The following ZNF607 variants were observed in gnomAD, a reference collection of about 807,000 sequenced individuals.
ZNF607 encodes zinc finger protein 607.
Under a neutral mutation model 12.8 loss-of-function variants are expected in ZNF607, and 5 were observed. That is an observed-to-expected ratio of 0.39 (90% CI 0.20 to 0.82). The LOEUF (loss-of-function observed/expected upper bound fraction) is 0.82, where lower values mean the gene tolerates loss of function less well. ZNF607 is among the 40% of genes least tolerant of loss of function. The pLI is 0.39. For synonymous variants in ZNF607, 287 were observed against 276.2 expected (o/e 1.04, Z -0.39); for missense variants, 851 against 859.2 (o/e 0.99, Z 0.12).
At chr19:37,709,621 C>T (rs1001115398) in intron 3 of ZNF607, 75 bp downstream of exon 3, 1 of 1,514,386 alleles carries the variant, frequency 6.6e-7, no homozygotes, top group South Asian at 1.3e-5. Flanking sequence ...CTGAAAACCA[C>T]AACAGAAAAA....
chr19:37,712,549 TCTCA>T (rs1422741074), intron 1 of ZNF607, among the ~76,000 whole-genome samples: 2 of 152,142 alleles, frequency 1.3e-5, no homozygotes, highest in African/African-American at 2.4e-5. Context: ...AGTGCTTATA[TCTCA>T]CTATGTATTC....
chr19:37,696,921 A>G lies in ZNF607; in HGVS notation c.*1119T>C. On this transcript the variant is annotated 3_prime_UTR_variant, in exon 5 of 5. Transcript: ENST00000355202. ...AGACACGTCGTCCAGAATGAGCCCA[A>G]AGGTGGCTGCTCACTCCATAAGGTT... 1 of 672,864 alleles carries G rather than the reference A, an allele frequency of 1.5e-6. No individual in the cohort carries two copies. The highest frequency in any genetic ancestry group is 2.7e-6 in the Non-Finnish European group (1 of 368,512). 41.7% of individuals were successfully genotyped at this position (672,864 alleles called of 1,614,324 possible).
chr19:37,700,630 G>A (rs902412990), intron 4 of ZNF607, among the ~76,000 whole-genome samples: 23 of 152,068 alleles, frequency 1.5e-4, no homozygotes, highest in Admixed American at 1.4e-3. Flanking sequence ...ATTCAGTATC[G>A]GCAGGCAGGG....
intron 2 of ZNF607, among the ~76,000 whole-genome samples, chr19:37,710,537 A>G (rs2045124991): frequency 2.0e-5 from 3 of 152,126 alleles, no homozygotes; most frequent in Non-Finnish European, 2.9e-5. Context: ...GCAGCAGAAG[A>G]GCAATATAAC....
chr19:37,716,248 T>C (rs143913306), intron 1 of ZNF607, among the ~76,000 whole-genome samples: 6 of 152,188 alleles, frequency 3.9e-5, no homozygotes, highest in Non-Finnish European at 8.8e-5. Context: ...AAGAGAACTA[T>C]AGAAAAAAAA....
rs112718703 is a variant in ZNF607 at position 37,696,897 on chromosome 19, G to C, written c.*1143C>G. 3.2e-4 allele frequency: 219 copies of C among 686,242 alleles called. 3 individuals carry two copies. The highest frequency in any genetic ancestry group is 3.0e-3 in the African/African-American group (168 of 56,930). 42.5% of individuals were successfully genotyped at this position (686,242 alleles called of 1,614,324 possible). ...CTTCAAGAAGGTCAGATGTGTCAAA[G>C]ACACGTCGTCCAGAATGAGCCCAAA... On this transcript the variant is annotated 3_prime_UTR_variant, in exon 5 of 5. Transcript: ENST00000355202.
chr19:37,716,570 AGTCT>A (rs1411885397), intron 1 of ZNF607, among the ~76,000 whole-genome samples: 2 of 152,306 alleles, frequency 1.3e-5, no homozygotes, highest in East Asian at 3.9e-4. Context: ...TAAAAGTAGG[AGTCT>A]GTCTATTTCA....
chr19:37,706,522 T>G (rs2045085663), intron 4 of ZNF607: 1 of 152,196 alleles, frequency 6.6e-6, no homozygotes, highest in Non-Finnish European at 1.5e-5. Flanking sequence ...AATTCTTTCT[T>G]AAATGGAGAC....
chr19:37,709,114 T>A (rs1380753387), intron 3 of ZNF607, among the ~76,000 whole-genome samples: 1 of 152,194 alleles, frequency 6.6e-6, no homozygotes, highest in Non-Finnish European at 1.5e-5. Flanking sequence ...CTATAGTATA[T>A]TCATCCCATT....
chr19:37,711,775 C>T, intron 1 of ZNF607, 83 bp from the exon 2 acceptor site: 1 of 639,926 alleles, frequency 1.6e-6, no homozygotes, highest in Non-Finnish European at 2.7e-6. Context: ...TTTCCTCTTC[C>T]ATTCCAAGTT....
chr19:37,716,434 G>C (rs964164864), intron 1 of ZNF607, among the ~76,000 whole-genome samples: 2 of 152,178 alleles, frequency 1.3e-5, no homozygotes, highest in Non-Finnish European at 2.9e-5. Flanking sequence ...GTGGCTTTTA[G>C]CATGAGTGAC....
Position 37,698,711 on chromosome 19 carries a change from C to T in ZNF607, c.1420G>A (p.Glu474Lys). The T allele has an allele frequency of 6.2e-7, 1 of 1,613,134 alleles. No homozygotes were observed. The highest frequency in any genetic ancestry group is 8.5e-7 in the Non-Finnish European group (1 of 1,179,430). Reference protein sequence around the residue: ...LVIHERIHTGEKPYVCQECGK... With the variant: ...LVIHERIHTGKKPYVCQECGK... ...CACTCTTGACATACATAGGGTTTCT[C>T]TCCTGTATGAATTCTCTCATGTATA... is the stretch of plus-strand genomic sequence containing the variant. Residue 474 changes from glutamate (E) to lysine (K), a missense_variant, in exon 5 of 5, where the codon GAG (glutamate) becomes AAG (lysine). Transcript: ENST00000355202.
chr19:37,707,582 C>T (rs2045095938), intron 4 of ZNF607, among the ~76,000 whole-genome samples: 1 of 151,668 alleles, frequency 6.6e-6, no homozygotes, highest in Admixed American at 6.6e-5. Flanking sequence ...ACAGCCCGGG[C>T]AATGTAGGGA....
Position 37,698,380 on chromosome 19 carries a change from G to A in ZNF607, c.1751C>T (p.Ala584Val). 1 of 1,614,078 alleles carries A rather than the reference G, an allele frequency of 6.2e-7. No homozygotes were observed. The highest frequency in any genetic ancestry group is 8.5e-7 in the Non-Finnish European group (1 of 1,179,976). ...TSLIYHDRTH[A>V]GEKSYECKEC... ...TTTACATTCATAGGACTTTTCACCA[G>A]CATGAGTTCGGTCATGATATATGAG... Residue 584 changes from alanine (A) to valine (V), a missense_variant, in exon 5 of 5, where the codon GCT (alanine) becomes GTT (valine). Ala to Val is a moderately conservative substitution (Grantham distance 64, BLOSUM62 0). Coordinates refer to ENST00000355202, the MANE Select transcript of ZNF607 (RefSeq NM_032689.5).
Position 37,714,239 on chromosome 19 carries a change from G to A in ZNF607, c.-74-2547C>T, listed in dbSNP as rs181598956. 6.5e-4 allele frequency among the ~76,000 whole-genome samples: 98 copies of A among 150,184 alleles called. No homozygotes were observed. In the East Asian group the frequency reaches 0.014, roughly 21 times the overall value. On this transcript the variant is annotated intron_variant, in intron 1 of 4. Transcript: ENST00000355202. ...TGGGAGGCTGAGGCAGGAGAATGGC[G>A]TGAACCCAGGAGGCGGAGCTTGCAG...
chr19:37,697,005 C>G lies in ZNF607; in HGVS notation c.*1035G>C. 2 of 715,442 alleles carry G rather than the reference C, an allele frequency of 2.8e-6. No homozygotes were observed. Among genetic ancestry groups the G allele is most frequent in the Non-Finnish European group, 5.1e-6 (2 of 389,206 alleles). 44.3% of individuals were successfully genotyped at this position (715,442 alleles called of 1,614,324 possible). On this transcript the variant is annotated 3_prime_UTR_variant, in exon 5 of 5. Transcript: ENST00000355202. ...GGTGATTAGTTCTCCAGCATCAAAG[C>G]GAGCCACCAGTGACTTGAGGATCTC...
In ZNF607 at chr19:37,699,762, A is replaced by G. The variant is rs748055161; in HGVS notation, c.369T>C (p.Phe123=). 2.5e-6 allele frequency: 4 copies of G among 1,614,002 alleles called. No homozygotes were observed. In the East Asian group the frequency reaches 6.7e-5, roughly 27 times the overall value. The change falls in exon 5 of 5, where the codon TTT becomes TTC. Residue 123 remains phenylalanine (F), a synonymous_variant. Transcript: ENST00000355202. Reference sequence around the variant, plus strand: ...GTACCATGAGTTCTGTAAGATGACTAAAGGACTTCTGACATTGCTTACACT... The same window carrying G: ...GTACCATGAGTTCTGTAAGATGACTGAAGGACTTCTGACATTGCTTACACT... The part of the protein sequence containing the change: ...PYECKQCQKS[F]SHLTELMVHQ...
At position 37,711,710 on chromosome 19, in the gene ZNF607, C is replaced by G; in HGVS notation, c.-74-18G>C. ...ACCAAGACCTGAAAGAAGAGAAGAC[C>G]TTGAGACCAGCTGTGCTTTAGTGGT... On this transcript the variant is annotated intron_variant, in intron 1 of 4. Coordinates refer to ENST00000355202, the MANE Select transcript of ZNF607 (RefSeq NM_032689.5). 1 of 1,327,492 alleles carries G rather than the reference C, an allele frequency of 7.5e-7. No individual in the cohort carries two copies. The highest frequency in any genetic ancestry group is 1.7e-5 in the Admixed American group (1 of 58,288). 82.2% of individuals were successfully genotyped at this position (1,327,492 alleles called of 1,614,324 possible). A position where few individuals can be genotyped will look rare whatever the true frequency, so the allele number is the denominator to read the frequency against.
At chr19:37,702,892 T>C (rs1253138005) in intron 4 of ZNF607, among the ~76,000 whole-genome samples, 1 of 152,102 alleles carries the variant, frequency 6.6e-6, no homozygotes, top group Admixed American at 6.6e-5. Flanking sequence ...CTACCTAAAA[T>C]AAATTACTCA....
Sources: gnomAD v4.1 joint callset for allele counts (sites outside exome capture counted in the v4.1 genomes callset) on GRCh38, gnomAD v4.1.1 for gene constraint, MANE v1.5 for transcripts, NCBI Gene and HGNC (gene_info 2026-07-23, HGNC 2026-07-21) for gene names.